The following PLEKHA1 variants were observed in gnomAD, a reference collection of about 807,000 sequenced individuals.
PLEKHA1 encodes the protein pleckstrin homology domain-containing family A member 1.
PLEKHA1 carries 34 observed loss-of-function variants against 52.0 expected under a neutral mutation model. The ratio of observed to expected loss-of-function variants is 0.65; its 90% CI spans 0.50 to 0.87. PLEKHA1 has a LOEUF of 0.87. Among genes scored for constraint, PLEKHA1 ranks in the 40% least tolerant of loss-of-function variants. PLEKHA1 has a pLI of 0.00. For missense variants in PLEKHA1, 497 were observed against 504.2 expected (o/e 0.99, Z 0.14); for synonymous variants, 163 against 170.7 (o/e 0.95, Z 0.35).
intron 8 of PLEKHA1, chr10:122,418,808 G>A (rs1398410487): frequency 3.9e-5 from 6 of 152,122 alleles, no homozygotes; most frequent in Admixed American, 1.3e-4. Context: ...TCTATCCTAC[G>A]TCTTCTTTTT....
chr10:122,422,025 C>T (rs1378265837), intron 8 of PLEKHA1: 1 of 152,038 alleles, frequency 6.6e-6, no homozygotes, highest in Non-Finnish European at 1.5e-5. Context: ...TGGAACATGT[C>T]AAAAGGACAC....
downstream of PLEKHA1, chr10:122,435,833 C>T (rs1423406047): frequency 2.0e-5 from 3 of 151,340 alleles, no homozygotes; most frequent in South Asian, 2.1e-4. Context: ...GCAATTGGAA[C>T]ACTTGAGCTT....
intron 1 of PLEKHA1, among the ~76,000 whole-genome samples, chr10:122,390,977 A>G (rs944702085): frequency 6.6e-6 from 1 of 151,902 alleles, no homozygotes; most frequent in Admixed American, 6.6e-5. Flanking sequence ...CTCTCTTTTA[A>G]TTATAGCCAT....
At position 122,417,953 on chromosome 10, in the gene PLEKHA1, C is replaced by T; in HGVS notation, c.666C>T (p.Tyr222=). The T allele has an allele frequency of 6.2e-7, 1 of 1,610,782 alleles. No individual in the cohort carries two copies. The highest frequency in any genetic ancestry group is 1.7e-5 in the Admixed American group (1 of 59,978). The part of the protein sequence containing the change: ...YFQLDENTIG[Y]FKSELEKEPL... ...AATTGGATGAAAACACAATAGGCTA[C>T]TTCAAATCTGAACTGGTATGTTGTT... Residue 222 remains tyrosine (Y), a synonymous_variant, in exon 8 of 12, where the codon TAC becomes TAT. Transcript: ENST00000368990.
chr10:122,424,438 A>G (rs1315942133), intron 9 of PLEKHA1, among the ~76,000 whole-genome samples, 175 bp downstream of exon 9: 1 of 152,160 alleles, frequency 6.6e-6, no homozygotes, highest in Admixed American at 6.5e-5. Context: ...GTATTGAACT[A>G]CTTTGTTCAT....
chr10:122,379,088 C>T (rs1425250364), intron 1 of PLEKHA1, among the ~76,000 whole-genome samples: 8 of 152,202 alleles, frequency 5.3e-5, no homozygotes, highest in African/African-American at 1.9e-4. Flanking sequence ...TTGGTGAGAT[C>T]TTGCAGGGAG....
chr10:122,385,640 A>G (rs7084718), intron 1 of PLEKHA1, among the ~76,000 whole-genome samples: 47,664 of 151,840 alleles, frequency 0.31, 8,078 homozygotes, highest in Non-Finnish European at 0.4. Context: ...TTTGTACTTA[A>G]TATTACGATT....
chr10:122,377,700 A>G (rs547297018), intron 1 of PLEKHA1, among the ~76,000 whole-genome samples: 24 of 152,332 alleles, frequency 1.6e-4, no homozygotes, highest in African/African-American at 5.5e-4. Flanking sequence ...TTACTGAGCA[A>G]TATTAAACCA....
In PLEKHA1 at chr10:122,415,933, C is replaced by T. The variant is rs147953307; in HGVS notation, c.543C>T (p.Tyr181=). The change falls in exon 7 of 12, where the codon TAC becomes TAT. Residue 181 remains tyrosine, a synonymous_variant. Transcript: ENST00000368990. The part of the protein sequence containing the change: ...NLKRSQSHLP[Y]FTPKPPQDSA... ...AACGGTCACAAAGCCATCTTCCTTA[C>T]TTTACTCCTAAACCACCTCAAGATA... 1.9e-5 allele frequency: 30 copies of T among 1,613,574 alleles called. No individual in the cohort carries two copies. The African/African-American group carries it at 3.7e-4, about 20-fold the overall frequency.
intron 1 of PLEKHA1, among the ~76,000 whole-genome samples, chr10:122,382,788 CTTTTA>C (rs991814458): frequency 2.0e-5 from 3 of 152,016 alleles, no homozygotes; most frequent in South Asian, 2.1e-4. Flanking sequence ...TAAATGTTTT[CTTTTA>C]TTTTAAATAT....
At chr10:122,392,494 C>T (rs895812601) in intron 1 of PLEKHA1, 1 of 152,246 alleles carries the variant, frequency 6.6e-6, no homozygotes, top group East Asian at 1.9e-4. Flanking sequence ...TCTCTCTTTC[C>T]AGTACATTAA....
At chr10:122,438,955 G>C in the PLEKHA1 span, 25 of 152,304 alleles carry the variant, frequency 1.6e-4, no homozygotes, top group East Asian at 4.4e-3. Context: ...GCCGTCCTGG[G>C]CCACATGCGG....
chr10:122,423,558 G>T (rs2097294723), intron 8 of PLEKHA1: 1 of 152,122 alleles, frequency 6.6e-6, no homozygotes, highest in South Asian at 2.1e-4. Flanking sequence ...GTATTTTATG[G>T]AATGTATACT....
At chr10:122,421,556 A>G (rs1179956923) in intron 8 of PLEKHA1, 2 of 152,060 alleles carry the variant, frequency 1.3e-5, no homozygotes, top group African/African-American at 2.4e-5. Context: ...CAGGTCAGCA[A>G]CTCACTCTGA....
At chr10:122,408,342 A>T (rs2097055233) in intron 5 of PLEKHA1, among the ~76,000 whole-genome samples, 1 of 152,178 alleles carries the variant, frequency 6.6e-6, no homozygotes, top group Non-Finnish European at 1.5e-5. Context: ...GTCTTATACA[A>T]ATGACACTGG....
chr10:122,381,509 CTCTT>C (rs2096614197), intron 1 of PLEKHA1, among the ~76,000 whole-genome samples: 1 of 152,168 alleles, frequency 6.6e-6, no homozygotes, highest in African/African-American at 2.4e-5. Flanking sequence ...TCTCTCTTCT[CTCTT>C]TCTTCCTCCT....
intron 5 of PLEKHA1, among the ~76,000 whole-genome samples, chr10:122,410,873 T>C (rs1424670525): frequency 2.6e-5 from 4 of 152,162 alleles, no homozygotes; most frequent in Non-Finnish European, 4.4e-5. Flanking sequence ...CACCTCTCAT[T>C]TTATCTAGTT....
chr10:122,418,049 C>G (rs754451325), intron 8 of PLEKHA1, 81 bp downstream of exon 8: 1 of 1,119,438 alleles, frequency 8.9e-7, no homozygotes, highest in Non-Finnish European at 1.3e-6. Flanking sequence ...ATTTCTTGTA[C>G]TGTTCTGTAG....
intron 4 of PLEKHA1, 61 bp from the exon 5 acceptor site, chr10:122,406,515 C>T: frequency 7.2e-7 from 1 of 1,384,550 alleles, no homozygotes; most frequent in Non-Finnish European, 1.0e-6. Flanking sequence ...TCAGCTACTG[C>T]AAACATAAAT....
Sources: gnomAD v4.1 joint callset for allele counts (sites outside exome capture counted in the v4.1 genomes callset) on GRCh38, gnomAD v4.1.1 for gene constraint, MANE v1.5 for transcripts, NCBI Gene and HGNC (gene_info 2026-07-23, HGNC 2026-07-21) for gene names.